SRSF3: variants seen among roughly 807,000 people sequenced by gnomAD.
SRSF3 encodes the protein serine and arginine rich splicing factor 3.
For synonymous variants in SRSF3, 87 were observed against 73.6 expected, an observed-to-expected ratio of 1.18 and a Z score of -0.93; for missense variants, 58 against 217.1, an observed-to-expected ratio of 0.27 and a Z score of 4.61.
At position 36,599,897 on chromosome 6, in the gene SRSF3, C is replaced by T. The variant is rs1299890813; in HGVS notation, c.341+914C>T. ...AACTAGCCCTTTCAGCGTCATGTGA[C>T]CAGCGCGCCCCATTCAGCTTGGCTG... On this transcript the variant is annotated intron_variant, in intron 3 of 5. Coordinates refer to ENST00000373715, the MANE Select transcript of SRSF3 (RefSeq NM_003017.5). 3.0e-6 allele frequency: 4 copies of T among 1,351,600 alleles called. No individual in the cohort carries two copies. In the African/African-American group the frequency reaches 4.4e-5, roughly 15 times the overall value. The allele number at this position is 1,351,600 out of a possible 1,614,324, so 83.7% of individuals were successfully genotyped here.
intron 3 of SRSF3, 132 bp from the exon 4 acceptor site, chr6:36,601,001 CTTTTTTTTTTTTTTTTTTT>C: frequency 1.2e-5 from 1 of 84,022 alleles, no homozygotes; most frequent in Non-Finnish European, 2.0e-5. Flanking sequence ...TCTTTTTTTT[CTTTTTTTTTTTTTTTTTTT>C]TTTTTTGGAC....
At chr6:36,601,628 G>C (rs1778717463) in intron 4 of SRSF3, 80 bp from the exon 5 acceptor site, 14 of 1,303,988 alleles carry the variant, frequency 1.1e-5, no homozygotes, top group Non-Finnish European at 1.2e-5. Flanking sequence ...ATTGGCATGA[G>C]TCACCATGCC....
rs1375096379 is a variant in SRSF3 at position 36,603,026 on chromosome 6, G to A, written c.*1037G>A. ...AACAGCTGAGAGGCACTATGGATTA[G>A]TCTTCTGAAGTGAAGGAAATATAGA... is the stretch of plus-strand genomic sequence containing the variant. On this transcript the variant is annotated 3_prime_UTR_variant, in exon 6 of 6. Transcript: ENST00000373715. The A allele has an allele frequency of 4.6e-6, 1 of 219,004 alleles. No individual in the cohort carries two copies. Among genetic ancestry groups the A allele is most frequent in the African/African-American group, 2.3e-5 (1 of 44,438 alleles). 13.6% of individuals were successfully genotyped at this position (219,004 alleles called of 1,614,324 possible). A position where few individuals can be genotyped will look rare whatever the true frequency, so the allele number is the denominator to read the frequency against.
Position 36,603,892 on chromosome 6 carries a change from A to G in SRSF3, c.*1903A>G, listed in dbSNP as rs1778766724. The G allele has an allele frequency of 4.3e-6, 1 of 230,882 alleles. No individual in the cohort carries two copies. Among genetic ancestry groups the G allele is most frequent in the Non-Finnish European group, 8.6e-6 (1 of 116,812 alleles). The allele number at this position is 230,882 out of a possible 1,614,324, so 14.3% of individuals were successfully genotyped here. A position where few individuals can be genotyped will look rare whatever the true frequency, so the allele number is the denominator to read the frequency against. ...CTCTTAAGTTGGAAGGGTTTCTGTA[A>G]AAAGGACAGTTACGGGTATAATATG... is the stretch of plus-strand genomic sequence containing the variant. On this transcript the variant is annotated 3_prime_UTR_variant, in exon 6 of 6. Coordinates refer to ENST00000373715, the MANE Select transcript of SRSF3 (RefSeq NM_003017.5).
At chr6:36,597,490 C>G (rs747477558) in intron 2 of SRSF3, among the ~76,000 whole-genome samples, 2 of 152,000 alleles carry the variant, frequency 1.3e-5, no homozygotes, top group Non-Finnish European at 2.9e-5. Context: ...TTGGTTGTAC[C>G]TTTACTTTTA....
At chr6:36,601,605 A>C in intron 4 of SRSF3, 103 bp from the exon 5 acceptor site, 1 of 1,167,126 alleles carries the variant, frequency 8.6e-7, no homozygotes, top group Non-Finnish European at 1.2e-6. Flanking sequence ...CTGCCTCCCA[A>C]AATATTGGAA....
chr6:36,602,198 A>G lies in SRSF3; in HGVS notation c.*209A>G. ...GGATCATACGAGGCATGTAATACCA[A>G]GAATTGTTACTTTACAATGTTCCCT... On this transcript the variant is annotated 3_prime_UTR_variant, in exon 6 of 6. Coordinates refer to ENST00000373715, the MANE Select transcript of SRSF3 (RefSeq NM_003017.5). 2.0e-6 allele frequency: 2 copies of G among 977,474 alleles called. No homozygotes were observed. Among genetic ancestry groups the G allele is most frequent in the Non-Finnish European group, 2.8e-6 (2 of 709,656 alleles). The allele number at this position is 977,474 out of a possible 1,614,324, so 60.6% of individuals were successfully genotyped here. A position where few individuals can be genotyped will look rare whatever the true frequency, so the allele number is the denominator to read the frequency against.
intron 2 of SRSF3, 38 bp downstream of exon 2, chr6:36,597,006 G>A (rs1778640262): frequency 1.9e-6 from 3 of 1,589,112 alleles, no homozygotes; most frequent in African/African-American, 2.7e-5. Context: ...TGTGTTGCTT[G>A]TGTTTTTCAT....
chr6:36,601,876 C>T (rs1778721611), intron 5 of SRSF3, 82 bp downstream of exon 5: 2 of 1,590,264 alleles, frequency 1.3e-6, no homozygotes, highest in Non-Finnish European at 8.5e-7. Context: ...AATTTTTTAC[C>T]TTAAAGTTCT....
At position 36,602,951 on chromosome 6, in the gene SRSF3, GTTC is replaced by G. The variant is rs1778742922; in HGVS notation, c.*965_*967del. ...GTCAGTTGAACCCACTGTTACCATT[GTTC>G]TTATCCCATGGGAAGCAGTTGGTTA... On this transcript the variant is annotated 3_prime_UTR_variant, in exon 6 of 6. Transcript: ENST00000373715. 4.6e-6 allele frequency: 1 copy of G among 215,684 alleles called. No homozygotes were observed. Among genetic ancestry groups the G allele is most frequent in the African/African-American group, 2.3e-5 (1 of 44,372 alleles). The allele number at this position is 215,684 out of a possible 1,614,324, so 13.4% of individuals were successfully genotyped here.
rs1054495597 is a variant in SRSF3 at position 36,605,103 on chromosome 6, TA to T, written c.*3116del. On this transcript the variant is annotated 3_prime_UTR_variant, in exon 6 of 6. Transcript: ENST00000373715. ...GTTGAATTTGATTTTATGTCCACTCTAATTTTTTTCATCCTGTTTTATTAGG... is the reference window on the plus strand; with the variant it reads ...GTTGAATTTGATTTTATGTCCACTCTATTTTTTTCATCCTGTTTTATTAGG... 1 of 152,216 alleles carries T rather than the reference TA, an allele frequency of 6.6e-6. No homozygotes were observed. Among genetic ancestry groups the T allele is most frequent in the Non-Finnish European group, 1.5e-5 (1 of 68,040 alleles). 9.4% of individuals were successfully genotyped at this position (152,216 alleles called of 1,614,324 possible). A position where few individuals can be genotyped will look rare whatever the true frequency, so the allele number is the denominator to read the frequency against.
chr6:36,602,217 GTTCCC>G lies in SRSF3; in HGVS notation c.*231_*235del. On this transcript the variant is annotated 3_prime_UTR_variant, in exon 6 of 6. Coordinates refer to ENST00000373715, the MANE Select transcript of SRSF3 (RefSeq NM_003017.5). ...ATACCAAGAATTGTTACTTTACAAT[GTTCCC>G]TTAAGCAAAATTGAATTTGCTTTGA... 1.2e-6 allele frequency: 1 copy of G among 818,176 alleles called. No individual in the cohort carries two copies. The highest frequency in any genetic ancestry group is 1.7e-6 in the Non-Finnish European group (1 of 576,406). 50.7% of individuals were successfully genotyped at this position (818,176 alleles called of 1,614,324 possible).
chr6:36,596,753 C>T lies in SRSF3; in HGVS notation c.-2-8C>T. 9.3e-6 allele frequency: 15 copies of T among 1,612,356 alleles called. 1 individual carries two copies. The highest frequency in any genetic ancestry group is 1.0e-5 in the Non-Finnish European group (12 of 1,178,916). ...ATGAATGAATATTTTTGGTATTTTT[C>T]ATTACAGAAATGCATCGTGATTCCT... On this transcript the variant is annotated splice_region_variant and splice_polypyrimidine_tract_variant and intron_variant, in intron 1 of 5. Transcript: ENST00000373715.
At chr6:36,600,766 A>G (rs1778698611) in intron 3 of SRSF3, 1 of 164,454 alleles carries the variant, frequency 6.1e-6, no homozygotes, top group African/African-American at 2.4e-5. Flanking sequence ...ATGGACTTAC[A>G]GGTTTGCATG....
chr6:36,595,334 T>C (rs1449649805), intron 1 of SRSF3, among the ~76,000 whole-genome samples: 1 of 152,226 alleles, frequency 6.6e-6, no homozygotes, highest in Non-Finnish European at 1.5e-5. Context: ...AGTAAATTTT[T>C]TAGTAGCAAA....
chr6:36,601,938 T>G, intron 5 of SRSF3, 24 bp from the exon 6 acceptor site: 2 of 1,573,008 alleles, frequency 1.3e-6, no homozygotes, highest in Non-Finnish European at 8.6e-7. Flanking sequence ...ATGTTTTGTT[T>G]TCTTTTTTTT....
intron 2 of SRSF3, 125 bp downstream of exon 2, chr6:36,597,093 G>C: frequency 3.0e-6 from 2 of 669,168 alleles, no homozygotes; most frequent in South Asian, 3.9e-5. Flanking sequence ...GATACAATTG[G>C]GATCTTTTTT....
rs958611741 is a variant in SRSF3, at chr6:36,599,755, T to G, written c.341+772T>G. 3.4e-6 allele frequency: 4 copies of G among 1,185,808 alleles called. No individual in the cohort carries two copies. The African/African-American group carries it at 6.2e-5, about 18-fold the overall frequency. The allele number at this position is 1,185,808 out of a possible 1,614,324, so 73.5% of individuals were successfully genotyped here. On this transcript the variant is annotated intron_variant, in intron 3 of 5. Coordinates refer to ENST00000373715, the MANE Select transcript of SRSF3 (RefSeq NM_003017.5). ...GTTAGCTAATAGATGGTTGTACTGA[T>G]GGCTTGTTTTTCATTTTTTTTGTGC... is the stretch of plus-strand genomic sequence containing the variant.
rs565392192 is a variant in SRSF3, at chr6:36,602,988, T to A, written c.*999T>A. 28 of 219,700 alleles carry A rather than the reference T, an allele frequency of 1.3e-4. No individual in the cohort carries two copies. Among genetic ancestry groups the A allele is most frequent in the African/African-American group, 6.3e-4 (28 of 44,700 alleles). 13.6% of individuals were successfully genotyped at this position (219,700 alleles called of 1,614,324 possible). ...TGGGAAGCAGTTGGTTACACGATTC[T>A]TATTTTATAAGAAACAGCTGAGAGG... On this transcript the variant is annotated 3_prime_UTR_variant, in exon 6 of 6. Transcript: ENST00000373715.
Sources: allele counts gnomAD v4.1 joint callset (sites outside exome capture counted in the v4.1 genomes callset), GRCh38; gene constraint gnomAD v4.1.1; transcripts MANE v1.5; gene names NCBI Gene and HGNC (gene_info 2026-07-23, HGNC 2026-07-21).